The following TMEM236 variants were observed in gnomAD, a reference collection of about 807,000 sequenced individuals.
TMEM236 encodes the protein transmembrane protein 236.
Under a neutral mutation model 14.7 loss-of-function variants are expected in TMEM236, and 11 were observed. That is an observed-to-expected ratio of 0.75 (90% CI 0.47 to 1.24). The LOEUF is 1.24. TMEM236 is among the 50% of genes most tolerant of loss of function. The probability of loss-of-function intolerance (pLI) is 0.00; values close to 1 mark genes in which losing one functional copy is unlikely to be tolerated. For synonymous variants in TMEM236, 182 were observed against 168.6 expected, an observed-to-expected ratio of 1.08 and a Z score of -0.62; for missense variants, 464 against 427.3, an observed-to-expected ratio of 1.09 and a Z score of -0.76.
intron 3 of TMEM236, among the ~76,000 whole-genome samples, chr10:17,780,822 C>T (rs949139538): frequency 5.9e-5 from 9 of 152,132 alleles, no homozygotes; most frequent in African/African-American, 1.2e-4. Flanking sequence ...CTCTCTCTTT[C>T]GAGACAGAGG....
At chr10:17,781,786 G>C (rs941279502) in intron 3 of TMEM236, among the ~76,000 whole-genome samples, 10 of 150,626 alleles carry the variant, frequency 6.6e-5, no homozygotes, top group African/African-American at 2.4e-4. Context: ...ATTTGCATGC[G>C]TGTGTGTGTT....
At chr10:17,787,007 C>A (rs1837847673) in intron 3 of TMEM236, among the ~76,000 whole-genome samples, 1 of 152,194 alleles carries the variant, frequency 6.6e-6, no homozygotes, top group Non-Finnish European at 1.5e-5. Context: ...TCACCCTCTG[C>A]CATGATTGTG....
intron 3 of TMEM236, among the ~76,000 whole-genome samples, chr10:17,788,657 C>T (rs71497213): frequency 0.029 from 4,390 of 151,232 alleles, 141 homozygotes; most frequent in East Asian, 0.18. Flanking sequence ...TGTCCTCTGA[C>T]AAAATAATTC....
chr10:17,798,678 C>A lies in TMEM236; in HGVS notation c.*2174C>A. 1.9e-6 allele frequency: 1 copy of A among 534,528 alleles called. No individual in the cohort carries two copies. Among genetic ancestry groups the A allele is most frequent in the Non-Finnish European group, 3.8e-6 (1 of 259,904 alleles). 33.1% of individuals were successfully genotyped at this position (534,528 alleles called of 1,614,324 possible). Reference sequence around the variant, plus strand: ...AAGATTTACTCACAGTTGTTAAAAGCTTGCCTTCCAGCTTTCTAATTTGAG... The same window carrying A: ...AAGATTTACTCACAGTTGTTAAAAGATTGCCTTCCAGCTTTCTAATTTGAG... On this transcript the variant is annotated 3_prime_UTR_variant, in exon 4 of 4. Transcript: ENST00000377495.
intron 1 of TMEM236, among the ~76,000 whole-genome samples, chr10:17,766,794 T>A (rs980894283): frequency 4.6e-5 from 7 of 152,238 alleles, no homozygotes; most frequent in Admixed American, 4.6e-4. Flanking sequence ...ATTGGTAGGA[T>A]TGCTTCCTTC....
At chr10:17,763,141 C>G (rs1470212586) in intron 1 of TMEM236, among the ~76,000 whole-genome samples, 3 of 152,054 alleles carry the variant, frequency 2.0e-5, no homozygotes, top group African/African-American at 7.2e-5. Context: ...TTTATGTGAC[C>G]CACCACTAGT....
chr10:17,796,430 ACT>A lies in TMEM236; in HGVS notation c.989_990del (p.Ser330LeufsTer17). 1.2e-6 allele frequency: 2 copies of A among 1,613,192 alleles called. No individual in the cohort carries two copies. The highest frequency in any genetic ancestry group is 1.7e-6 in the Non-Finnish European group (2 of 1,179,772). ...VLGLCKNILV[T>X]LSYIYFNYLT... ...GGGCCTGTGTAAAAATATCCTCGTG[ACT>A]CTCTCTTACATTTACTTCAATTACC... On this transcript the variant is annotated frameshift_variant, in exon 4 of 4. Transcript: ENST00000377495. LOFTEE classifies it high-confidence loss of function.
At chr10:17,765,684 A>C (rs1837451183) in intron 1 of TMEM236, among the ~76,000 whole-genome samples, 1 of 152,202 alleles carries the variant, frequency 6.6e-6, no homozygotes, top group African/African-American at 2.4e-5. Context: ...GTTAGCTTTT[A>C]AGGTTTAAAA....
Position 17,796,717 on chromosome 10 carries a change from C to T in TMEM236, c.*213C>T, listed in dbSNP as rs984687705. 290 of 576,940 alleles carry T rather than the reference C, an allele frequency of 5.0e-4. 2 individuals are homozygous for T. The highest frequency in any genetic ancestry group is 2.3e-3 in the South Asian group (110 of 47,928). 35.7% of individuals were successfully genotyped at this position (576,940 alleles called of 1,614,324 possible). ...GTAAAGTAATATTCTTATAAGTTGGCTCTCAGGTATTTCTAGAAAATGTTA... is the reference window on the plus strand; with the variant it reads ...GTAAAGTAATATTCTTATAAGTTGGTTCTCAGGTATTTCTAGAAAATGTTA... On this transcript the variant is annotated 3_prime_UTR_variant, in exon 4 of 4. Coordinates refer to ENST00000377495, the MANE Select transcript of TMEM236 (RefSeq NM_001098844.3).
chr10:17,773,589 C>T (rs895168834), intron 2 of TMEM236, among the ~76,000 whole-genome samples: 12 of 152,094 alleles, frequency 7.9e-5, no homozygotes, highest in Non-Finnish European at 1.6e-4. Flanking sequence ...CCACCCGCCT[C>T]GGCCTCCCAA....
At chr10:17,763,000 G>A (rs2131743493) in intron 1 of TMEM236, among the ~76,000 whole-genome samples, 1 of 152,242 alleles carries the variant, frequency 6.6e-6, no homozygotes. Context: ...CCAGGCTACT[G>A]CAGGTACAAG....
intron 3 of TMEM236, among the ~76,000 whole-genome samples, chr10:17,791,075 T>C (rs1837916726): frequency 6.6e-6 from 1 of 152,244 alleles, no homozygotes; most frequent in African/African-American, 2.4e-5. Flanking sequence ...ACTCAAGTTC[T>C]GGTCTTTCTA....
In TMEM236 at chr10:17,798,247, T is replaced by C. The variant is rs1431072594; in HGVS notation, c.*1743T>C. On this transcript the variant is annotated 3_prime_UTR_variant, in exon 4 of 4. Coordinates refer to ENST00000377495, the MANE Select transcript of TMEM236 (RefSeq NM_001098844.3). ...ATGGCTTAAGAATGAAGCTTAAGAATTTGACATATGGCCGGCTGTGGTGGC... is the reference window on the plus strand; with the variant it reads ...ATGGCTTAAGAATGAAGCTTAAGAACTTGACATATGGCCGGCTGTGGTGGC... The C allele has an allele frequency of 4.3e-6, 1 of 230,212 alleles. No homozygotes were observed. Among genetic ancestry groups the C allele is most frequent in the African/African-American group, 2.3e-5 (1 of 43,484 alleles). The allele number at this position is 230,212 out of a possible 1,614,324, so 14.3% of individuals were successfully genotyped here.
intron 1 of TMEM236, among the ~76,000 whole-genome samples, chr10:17,765,302 C>T (rs1589141886): frequency 6.6e-6 from 1 of 152,144 alleles, no homozygotes; most frequent in African/African-American, 2.4e-5. Context: ...TAGGATTTCA[C>T]TCTCTGACCC....
At chr10:17,757,186 C>T (rs1837296217) in intron 1 of TMEM236, among the ~76,000 whole-genome samples, 1 of 152,158 alleles carries the variant, frequency 6.6e-6, no homozygotes, top group Admixed American at 6.5e-5. Context: ...GAGCTTTACA[C>T]CTTCTGTACT....
intron 3 of TMEM236, among the ~76,000 whole-genome samples, chr10:17,781,340 A>T (rs1554835406): frequency 1.3e-5 from 2 of 152,200 alleles, no homozygotes; most frequent in Non-Finnish European, 2.9e-5. Flanking sequence ...CACACCTTGA[A>T]TCAACAAACC....
rs1424575937 is a variant in TMEM236 at position 17,758,601 on chromosome 10, C to T, written c.257+6049C>T. ...AAGATCATGCGTGTAAAGTTCCTAG[C>T]ATAGCAACTGGTCTGTAGTAATCAT... On this transcript the variant is annotated intron_variant, in intron 1 of 3. Transcript: ENST00000377495. Among the ~76,000 whole-genome samples the T allele has an allele frequency of 2.6e-5, 4 of 152,136 alleles. No individual in the cohort carries two copies. In the East Asian group the frequency reaches 5.8e-4, roughly 22 times the overall value.
intron 1 of TMEM236, 72 bp from the exon 2 acceptor site, chr10:17,771,237 A>C (rs781813476): frequency 1.5e-5 from 22 of 1,437,694 alleles, no homozygotes; most frequent in Non-Finnish European, 2.2e-5. Flanking sequence ...GGAACTGCAA[A>C]ATTAGCAAAA....
rs1414223273 is a variant in TMEM236, at chr10:17,798,644, CTG to C, written c.*2142_*2143del. 108,607 of 534,334 alleles carry C rather than the reference CTG, an allele frequency of 0.2. 12,174 individuals are homozygous for C. Among genetic ancestry groups the C allele is most frequent in the Non-Finnish European group, 0.24 (63,445 of 259,844 alleles). The allele number at this position is 534,334 out of a possible 1,614,324, so 33.1% of individuals were successfully genotyped here. A position where few individuals can be genotyped will look rare whatever the true frequency, so the allele number is the denominator to read the frequency against. On this transcript the variant is annotated 3_prime_UTR_variant, in exon 4 of 4. Transcript: ENST00000377495. ...CCTCTGTTTTAGGATTTTTCTCACA[CTG>C]TAAAAGAAGATTTACTCACAGTTGT... is the stretch of plus-strand genomic sequence containing the variant.
Sources: gnomAD v4.1 joint callset for allele counts (sites outside exome capture counted in the v4.1 genomes callset) on GRCh38, gnomAD v4.1.1 for gene constraint, MANE v1.5 for transcripts, NCBI Gene and HGNC (gene_info 2026-07-23, HGNC 2026-07-21) for gene names.